Variants in CDK12 observed in about 807,000 individuals in gnomAD.
CDK12 encodes the protein cyclin-dependent kinase 12.
Under a neutral mutation model 133.8 loss-of-function variants are expected in CDK12, and 17 were observed. The observed-to-expected ratio is 0.13, with a 90% CI of 0.09 to 0.19. CDK12 has a LOEUF of 0.19. Ranked by LOEUF, CDK12 falls within the 10% of genes least tolerant of loss-of-function variation. The probability of loss-of-function intolerance (pLI) is 1.00; values close to 1 mark genes in which losing one functional copy is unlikely to be tolerated. For synonymous variants in CDK12, 694 were observed against 683.6 expected, an observed-to-expected ratio of 1.02 and a Z score of -0.24; for missense variants, 1,508 against 1,818.7, an observed-to-expected ratio of 0.83 and a Z score of 3.11.
chr17:39,521,327 G>C (rs2054152379), intron 11 of CDK12, among the ~76,000 whole-genome samples: 1 of 152,104 alleles, frequency 6.6e-6, no homozygotes, highest in African/African-American at 2.4e-5. Context: ...CTGGAGTGCA[G>C]TGGTGTGATA....
chr17:39,476,940 C>T (rs2050259316), intron 2 of CDK12, among the ~76,000 whole-genome samples: 1 of 151,018 alleles, frequency 6.6e-6, no homozygotes. Flanking sequence ...TTACAAACTC[C>T]TGACCTTAAA....
intron 12 of CDK12, 33 bp downstream of exon 12, chr17:39,524,918 C>T (rs754828886): frequency 1.3e-6 from 2 of 1,565,352 alleles, no homozygotes; most frequent in African/African-American, 2.7e-5. Flanking sequence ...TGTGCTTTTG[C>T]TAAGCGTATT....
intron 3 of CDK12, among the ~76,000 whole-genome samples, chr17:39,560,029 G>A (rs1255708826): frequency 6.6e-6 from 1 of 152,078 alleles, no homozygotes; most frequent in East Asian, 1.9e-4. Flanking sequence ...ACTCCTAGCC[G>A]CAAGCAGTGT....
chr17:39,486,253 CTTTTTTTTTTTT>C (rs35710234), intron 2 of CDK12, among the ~76,000 whole-genome samples: 19 of 86,512 alleles, frequency 2.2e-4, no homozygotes, highest in African/African-American at 7.8e-4. Context: ...CACCCTGCCT[CTTTTTTTTTTTT>C]TTTTTTTTTT....
At chr17:39,502,237 C>G (rs747087737) in intron 6 of CDK12, among the ~76,000 whole-genome samples, 12 of 152,122 alleles carry the variant, frequency 7.9e-5, no homozygotes, top group Non-Finnish European at 1.3e-4. Flanking sequence ...ACTGCAAGCT[C>G]TGCCTCCCAG....
intron 2 of CDK12, among the ~76,000 whole-genome samples, chr17:39,481,623 TCGCTCGCGCG>T (rs1478616230): frequency 2.9e-4 from 34 of 118,036 alleles, no homozygotes; most frequent in African/African-American, 5.6e-4. Flanking sequence ...ATGTGCTTGC[TCGCTCGCGCG>T]CTCTCTCTCT....
At chr17:39,538,168 C>A (rs1200272265), downstream of CDK12, among the ~76,000 whole-genome samples, 5 of 152,096 alleles carry the variant, frequency 3.3e-5, no homozygotes, top group African/African-American at 1.2e-4. Flanking sequence ...CTACATAGTT[C>A]AAGAGAGTAA....
rs200621398 is a variant in CDK12, at chr17:39,476,064, A to AT, written c.1931+4315dup. On this transcript the variant is annotated intron_variant, in intron 2 of 13. Coordinates refer to ENST00000447079, the MANE Select transcript of CDK12 (RefSeq NM_016507.4). Reference sequence around the variant, plus strand: ...AATATTAATGTGGGTAAGAATCTTGATTTTTTTTTTTTTTACTTCAGAAAA... The same window carrying AT: ...AATATTAATGTGGGTAAGAATCTTGATTTTTTTTTTTTTTTACTTCAGAAAA... Among the ~76,000 whole-genome samples, 443 of 144,352 alleles carry AT rather than the reference A, an allele frequency of 3.1e-3. 3 individuals carry two copies. The highest frequency in any genetic ancestry group is 7.3e-3 in the South Asian group (33 of 4,546). The allele number at this position is 144,352 out of a possible 152,430, so 94.7% of individuals were successfully genotyped here.
In CDK12 at chr17:39,471,672, T is replaced by G; in HGVS notation, c.1840T>G (p.Ser614Ala). The G allele has an allele frequency of 6.2e-7, 1 of 1,614,070 alleles. No homozygotes were observed. The highest frequency in any genetic ancestry group is 2.2e-5 in the East Asian group (1 of 44,886). Residue 614 changes from serine (S) to alanine (A), a missense_variant, in exon 2 of 14, where the codon TCT becomes GCT. Physicochemically the swap from Ser to Ala is moderately conservative, Grantham distance 99. Around this residue, in one of 9 missense-constraint regions of CDK12, gnomAD observed 347 missense variants for 330.8 expected, o/e 1.05. Coordinates refer to ENST00000447079, the MANE Select transcript of CDK12 (RefSeq NM_016507.4). ...ACAGGTTTCTGTGAAGACTCAAGTA[T>G]CTGTAACAGCTGCTATTCCACACCT... is the stretch of plus-strand genomic sequence containing the variant. ...PVQVSVKTQV[S>A]VTAAIPHLKT... is the part of the protein sequence containing the mutation.
downstream of CDK12, among the ~76,000 whole-genome samples, chr17:39,566,238 G>A (rs1052615627): frequency 2.0e-5 from 3 of 152,164 alleles, no homozygotes; most frequent in African/African-American, 7.2e-5. Flanking sequence ...GAGGCATCAT[G>A]AATCCAGCCC....
chr17:39,463,336 A>C (rs1041522764), intron 1 of CDK12, among the ~76,000 whole-genome samples: 12 of 152,184 alleles, frequency 7.9e-5, no homozygotes, highest in Admixed American at 6.5e-4. Context: ...AGGTACTTCC[A>C]GTGGTGGGGT....
At chr17:39,564,166 C>T (rs953005551) in intron 3 of CDK12, among the ~76,000 whole-genome samples, 2 of 152,154 alleles carry the variant, frequency 1.3e-5, no homozygotes, top group African/African-American at 2.4e-5. Context: ...CCTAAGTCAC[C>T]CCTCCTTTGT....
At chr17:39,544,563 C>T (rs1422793613), upstream of CDK12, among the ~76,000 whole-genome samples, 1 of 151,014 alleles carries the variant, frequency 6.6e-6, no homozygotes, top group African/African-American at 2.4e-5. Flanking sequence ...CTTCAACCTG[C>T]GCCTCCGGGG....
rs1333281486 is a variant in CDK12, at chr17:39,531,903, A to C, written c.*587A>C. On this transcript the variant is annotated 3_prime_UTR_variant, in exon 14 of 14. Transcript: ENST00000447079. ...TCTCACATTTTGCTTTTAAGTGAAC[A>C]CTTTTTCCCCATTGAGCATCTTGAA... The C allele has an allele frequency of 4.3e-6, 1 of 233,740 alleles. No individual in the cohort carries two copies. The highest frequency in any genetic ancestry group is 8.5e-6 in the Non-Finnish European group (1 of 118,080). The allele number at this position is 233,740 out of a possible 1,614,324, so 14.5% of individuals were successfully genotyped here.
At chr17:39,466,615 GAAAAAAAAAAAAAAAAAA>G (rs71147339) in intron 1 of CDK12, among the ~76,000 whole-genome samples, 409 of 31,410 alleles carry the variant, frequency 0.013, 1 homozygote, top group African/African-American at 0.038. Context: ...AACTCTATCT[GAAAAAAAAAAAAAAAAAA>G]AAAAAAAAAA....
intron 11 of CDK12, among the ~76,000 whole-genome samples, chr17:39,520,671 G>A (rs1342419429): frequency 6.7e-6 from 1 of 149,792 alleles, no homozygotes; most frequent in Non-Finnish European, 1.5e-5. Context: ...ACAGGCGTAA[G>A]CCACTGCGTC....
intron 2 of CDK12, among the ~76,000 whole-genome samples, chr17:39,485,401 C>A (rs1038753606): frequency 8.0e-5 from 10 of 125,692 alleles, no homozygotes; most frequent in African/African-American, 3.4e-4. Context: ...GCTTAGGCAT[C>A]CCCCCCCTTT....
At position 39,501,325 on chromosome 17, in the gene CDK12, C is replaced by T. The variant is rs2146140196; in HGVS notation, c.2495C>T (p.Ser832Phe). Residue 832 changes from serine to phenylalanine, a missense_variant, in exon 6 of 14, where the codon TCT becomes TTT. By Grantham distance (155) the Ser-to-Phe change is radical (BLOSUM62 -2). Transcript: ENST00000447079. ...CTAGAATCTGGTTTGGTGCACTTTTCTGAGGACCATATCAAGTCGTTCATG... is the reference window on the plus strand; with the variant it reads ...CTAGAATCTGGTTTGGTGCACTTTTTTGAGGACCATATCAAGTCGTTCATG... ...GLLESGLVHFSEDHIKSFMKQ... is the reference protein window; with the variant it reads ...GLLESGLVHFFEDHIKSFMKQ... The T allele has an allele frequency of 6.2e-7, 1 of 1,612,964 alleles. No individual in the cohort carries two copies. The highest frequency in any genetic ancestry group is 8.5e-7 in the Non-Finnish European group (1 of 1,179,662).
Position 39,470,938 on chromosome 17 carries a change from A to T in CDK12, c.1106A>T (p.His369Leu), listed in dbSNP as rs563325093. Residue 369 changes from histidine (H) to leucine (L), a missense_variant, in exon 2 of 14, where the codon CAT becomes CTT. Around this residue, in one of 9 missense-constraint regions of CDK12, gnomAD observed 460 missense variants for 490.8 expected, o/e 0.94. Coordinates refer to ENST00000447079, the MANE Select transcript of CDK12 (RefSeq NM_016507.4). ...GCATATTCAAGACATTCATCTTCTC[A>T]TAGTAAAAAGAAGAGATCCAGTTCA... ...SPAYSRHSSS[H>L]SKKKRSSSRS... is the part of the protein sequence containing the mutation. 4 of 1,613,154 alleles carry T rather than the reference A, an allele frequency of 2.5e-6. No individual in the cohort carries two copies.
Sources: allele counts gnomAD v4.1 joint callset (sites outside exome capture counted in the v4.1 genomes callset), GRCh38; gene constraint gnomAD v4.1.1; regional missense constraint gnomAD v4.1.1; transcripts MANE v1.5; gene names NCBI Gene and HGNC (gene_info 2026-07-23, HGNC 2026-07-21).